RETREG2: variants seen among roughly 807,000 people sequenced by gnomAD.
RETREG2 encodes the protein reticulophagy regulator 2.
Under a neutral mutation model 51.6 loss-of-function variants are expected in RETREG2, and 21 were observed. The observed-to-expected ratio is 0.41, with a 90% CI of 0.29 to 0.59. RETREG2 has a LOEUF of 0.59. Among genes scored for constraint, RETREG2 ranks in the 20% least tolerant of loss-of-function variants. The pLI is 0.34. For synonymous variants in RETREG2, 339 were observed against 288.6 expected, an observed-to-expected ratio of 1.17 and a Z score of -1.77; for missense variants, 674 against 646.0, an observed-to-expected ratio of 1.04 and a Z score of -0.47.
rs1298131085 is a variant in RETREG2 at position 219,182,896 on chromosome 2, C to T, written c.*267C>T. The T allele has an allele frequency of 1.4e-5, 7 of 500,280 alleles. No homozygotes were observed. Among genetic ancestry groups the T allele is most frequent in the East Asian group, 3.4e-5 (1 of 29,198 alleles). 31.0% of individuals were successfully genotyped at this position (500,280 alleles called of 1,614,324 possible). ...AGGGCTAGGGAAGTCCTTCCCACAGCCTGCGCTTGCCTCCCTGCCTCATCT... is the reference window on the plus strand; with the variant it reads ...AGGGCTAGGGAAGTCCTTCCCACAGTCTGCGCTTGCCTCCCTGCCTCATCT... On this transcript the variant is annotated 3_prime_UTR_variant, in exon 9 of 9. Transcript: ENST00000430297.
Position 219,178,928 on chromosome 2 carries a change from G to A in RETREG2, c.288G>A (p.Leu96=), listed in dbSNP as rs550958752. 40 of 1,612,216 alleles carry A rather than the reference G, an allele frequency of 2.5e-5. 1 individual carries two copies. The South Asian group carries it at 4.2e-4, about 17-fold the overall frequency. ...AAALNGLFWL[L]SSSSLRPFFL... is the part of the protein sequence containing the mutation. The stretch of plus-strand genomic sequence containing the variant: ...GTGCCTGTCTCTCCCTAAGGTTGCT[G>A]TCTTCCTCGTCCCTCCGGCCCTTCT... The change falls in exon 2 of 9, where the codon CTG becomes CTA. Residue 96 remains leucine, a synonymous_variant. Transcript: ENST00000430297.
chr2:219,179,371 A>G (rs1950242411), intron 2 of RETREG2, among the ~76,000 whole-genome samples: 1 of 152,230 alleles, frequency 6.6e-6, no homozygotes. Context: ...CTTACTTCAT[A>G]GAGAGGTGAG....
At position 219,180,259 on chromosome 2, in the gene RETREG2, C is replaced by T. The variant is rs763413294; in HGVS notation, c.555+14C>T. The T allele has an allele frequency of 2.3e-5, 37 of 1,613,994 alleles. No individual in the cohort carries two copies. Among genetic ancestry groups the T allele is most frequent in the African/African-American group, 4.0e-5 (3 of 74,914 alleles). ...AATCCAGCTCAGGTAACCTCCCCTA[C>T]ATCATACAACAGTTCACTACACTGA... On this transcript the variant is annotated intron_variant, in intron 4 of 8. Transcript: ENST00000430297.
chr2:219,181,504 G>A (rs1950278779), intron 7 of RETREG2, 41 bp downstream of exon 7: 2 of 1,610,070 alleles, frequency 1.2e-6, no homozygotes, highest in African/African-American at 2.7e-5. Context: ...TAGAAAGCCA[G>A]AGGAAAAATC....
At position 219,184,547 on chromosome 2, in the gene RETREG2, T is replaced by A. The variant is rs1950324102; in HGVS notation, c.*1918T>A. ...ATTCTAGGGTTTGATTGAGCCCCTG[T>A]CCTGTGCCACTAAAGGAACTCGAAC... On this transcript the variant is annotated 3_prime_UTR_variant, in exon 9 of 9. Transcript: ENST00000430297. 1 of 152,196 alleles carries A rather than the reference T, an allele frequency of 6.6e-6. No homozygotes were observed. The highest frequency in any genetic ancestry group is 1.5e-5 in the Non-Finnish European group (1 of 68,032). 9.4% of individuals were successfully genotyped at this position (152,196 alleles called of 1,614,324 possible).
In RETREG2 at chr2:219,178,314, T is replaced by C. The variant is rs2106393954; in HGVS notation, c.-39T>C. The C allele has an allele frequency of 2.6e-6, 1 of 386,352 alleles. No homozygotes were observed. Among genetic ancestry groups the C allele is most frequent in the Non-Finnish European group, 4.6e-6 (1 of 218,858 alleles). The allele number at this position is 386,352 out of a possible 1,614,324, so 23.9% of individuals were successfully genotyped here. ...GCCCCCGGCGGCGGCCGCGCAGCCC[T>C]GGCTCCTCGCGGGCTCGGGCGGCGG... On this transcript the variant is annotated 5_prime_UTR_variant, in exon 1 of 9. Coordinates refer to ENST00000430297, the MANE Select transcript of RETREG2 (RefSeq NM_024293.6).
chr2:219,180,280 A>C, intron 4 of RETREG2, 35 bp downstream of exon 4: 1 of 1,612,880 alleles, frequency 6.2e-7, no homozygotes, highest in Admixed American at 1.7e-5. Context: ...AGTTCACTAC[A>C]CTGAAGGGGA....
intron 4 of RETREG2, among the ~76,000 whole-genome samples, 179 bp from the exon 5 acceptor site, chr2:219,180,491 G>A (rs1574783486): frequency 1.3e-5 from 2 of 152,328 alleles, no homozygotes; most frequent in East Asian, 3.9e-4. Context: ...CAGGTGGTGG[G>A]CATTATGTAT....
intron 5 of RETREG2, 107 bp from the exon 6 acceptor site, chr2:219,180,955 G>T: frequency 4.0e-6 from 6 of 1,508,006 alleles, no homozygotes; most frequent in Non-Finnish European, 5.4e-6. Context: ...GCACAGCCTT[G>T]GGAAAGGACC....
chr2:219,178,633 G>A lies in RETREG2; in HGVS notation c.281G>A (p.Trp94Ter), dbSNP rs1214376152. Residue 94 changes from tryptophan to a stop codon, truncating the protein, a stop_gained and splice_region_variant, in exon 1 of 9, where the codon TGG (tryptophan) becomes TAG (stop). Transcript: ENST00000430297. LOFTEE classifies it high-confidence loss of function. ...GCGGCCGCGCTCAACGGCCTCTTCT[G>A]GTAACGGCCGCGGAGGAGGGGGCGG... ...VTAAALNGLFWLLSSSSLRPF... is the reference protein window; with the variant it reads ...VTAAALNGLF 1 of 1,449,086 alleles carries A rather than the reference G, an allele frequency of 6.9e-7. No individual in the cohort carries two copies. Among genetic ancestry groups the A allele is most frequent in the South Asian group, 1.4e-5 (1 of 72,546 alleles). The allele number at this position is 1,449,086 out of a possible 1,614,324, so 89.8% of individuals were successfully genotyped here. A position where few individuals can be genotyped will look rare whatever the true frequency, so the allele number is the denominator to read the frequency against.
chr2:219,182,954 T>C lies in RETREG2; in HGVS notation c.*325T>C, dbSNP rs943292401. ...CATTCCACTATGCCCCAAGCCCTGG[T>C]GGTCTGGCCCTTTCTTTTTCCTCCT... is the stretch of plus-strand genomic sequence containing the variant. On this transcript the variant is annotated 3_prime_UTR_variant, in exon 9 of 9. Transcript: ENST00000430297. 3.1e-5 allele frequency: 11 copies of C among 355,104 alleles called. No homozygotes were observed. The highest frequency in any genetic ancestry group is 1.6e-4 in the African/African-American group (8 of 49,072). The allele number at this position is 355,104 out of a possible 1,614,324, so 22.0% of individuals were successfully genotyped here.
In RETREG2 at chr2:219,181,771, C is replaced by A; in HGVS notation, c.1011C>A (p.Ser337=). The change falls in exon 8 of 9, where the codon TCC becomes TCA. Residue 337 remains serine (S), a synonymous_variant. Coordinates refer to ENST00000430297, the MANE Select transcript of RETREG2 (RefSeq NM_024293.6). The part of the protein sequence containing the change: ...RATTPQLTDV[S]EDLDQQSLPS... ...CAACTCCGCAGCTGACTGATGTCTC[C>A]GAGGGTATGGGGAGCCCTTTGCTGC... The A allele has an allele frequency of 6.2e-7, 1 of 1,613,462 alleles. No homozygotes were observed. Among genetic ancestry groups the A allele is most frequent in the East Asian group, 2.2e-5 (1 of 44,866 alleles).
Position 219,178,959 on chromosome 2 carries a change from C to T in RETREG2, c.319C>T (p.Leu107Phe). The change falls in exon 2 of 9, where the codon CTC (leucine) becomes TTC (phenylalanine). Residue 107 changes from leucine (L) to phenylalanine (F), a missense_variant. Leu to Phe is a conservative substitution (Grantham distance 22). Coordinates refer to ENST00000430297, the MANE Select transcript of RETREG2 (RefSeq NM_024293.6). ...SSSSLRPFFL[L>F]SVSLLAYFLL... ...CTCGTCCCTCCGGCCCTTCTTCCTA[C>T]TCAGCGTCTCACTTTTGGCCTATTT... is the stretch of plus-strand genomic sequence containing the variant. The T allele has an allele frequency of 6.2e-7, 1 of 1,614,080 alleles. No individual in the cohort carries two copies.
At chr2:219,179,658 C>G (rs1011588090) in intron 2 of RETREG2, 75 bp from the exon 3 acceptor site, 1 of 1,427,462 alleles carries the variant, frequency 7.0e-7, no homozygotes. Context: ...AGAGGAGGGA[C>G]AACTATTTCT....
Position 219,181,418 on chromosome 2 carries a change from G to A in RETREG2, c.834G>A (p.Glu278=), listed in dbSNP as rs901484598. The A allele has an allele frequency of 6.2e-7, 1 of 1,614,138 alleles. No homozygotes were observed. The highest frequency in any genetic ancestry group is 8.5e-7 in the Non-Finnish European group (1 of 1,180,026). The change falls in exon 7 of 9, where the codon GAG becomes GAA. Residue 278 remains glutamate, a synonymous_variant. Coordinates refer to ENST00000430297, the MANE Select transcript of RETREG2 (RefSeq NM_024293.6). ...CAGGAGGTGATGAGCCACTGGCAGAGACAGAGAGTGAAAGCGAGGCAGAGC... is the reference window on the plus strand; with the variant it reads ...CAGGAGGTGATGAGCCACTGGCAGAAACAGAGAGTGAAAGCGAGGCAGAGC... The part of the protein sequence containing the change: ...APPGGDEPLA[E]TESESEAELA...
Position 219,182,246 on chromosome 2 carries a change from T to G in RETREG2, c.1249T>G (p.Ser417Ala), listed in dbSNP as rs146672876. 351 of 1,613,350 alleles carry G rather than the reference T, an allele frequency of 2.2e-4. No individual in the cohort carries two copies. In the African/African-American group the frequency reaches 4.2e-3, roughly 19 times the overall value. ...GAACACGCACTTCAATGGGGCAGGG[T>G]CCCCCCCAGATGGAGTGAAATGCTC... ...FVNTHFNGAG[S>A]PPDGVKCSPG... The change falls in exon 9 of 9, where the codon TCC becomes GCC. Residue 417 changes from serine to alanine, a missense_variant. Physicochemically the swap from Ser to Ala is moderately conservative, Grantham distance 99. Coordinates refer to ENST00000430297, the MANE Select transcript of RETREG2 (RefSeq NM_024293.6).
chr2:219,182,783 CTGCT>C lies in RETREG2; in HGVS notation c.*155_*158del. ...TTCCACCCTCTGCCTGCCTGCCTGC[CTGCT>C]GTCCTGGGCATGGTGCAGTACCTGT... is the stretch of plus-strand genomic sequence containing the variant. On this transcript the variant is annotated 3_prime_UTR_variant, in exon 9 of 9. Coordinates refer to ENST00000430297, the MANE Select transcript of RETREG2 (RefSeq NM_024293.6). 4 of 807,954 alleles carry C rather than the reference CTGCT, an allele frequency of 5.0e-6. No individual in the cohort carries two copies. The South Asian group carries it at 5.2e-5, about 10-fold the overall frequency. The allele number at this position is 807,954 out of a possible 1,614,324, so 50.0% of individuals were successfully genotyped here.
In RETREG2 at chr2:219,184,150, A is replaced by G. The variant is rs908439207; in HGVS notation, c.*1521A>G. 1 of 152,270 alleles carries G rather than the reference A, an allele frequency of 6.6e-6. No individual in the cohort carries two copies. The highest frequency in any genetic ancestry group is 6.5e-5 in the Admixed American group (1 of 15,286). 9.4% of individuals were successfully genotyped at this position (152,270 alleles called of 1,614,324 possible). A position where few individuals can be genotyped will look rare whatever the true frequency, so the allele number is the denominator to read the frequency against. On this transcript the variant is annotated 3_prime_UTR_variant, in exon 9 of 9. Coordinates refer to ENST00000430297, the MANE Select transcript of RETREG2 (RefSeq NM_024293.6). ...AAGAAGTTTTGGCTTCAGCAAATGC[A>G]TCAGACAGCCCCTGTCCATTAATAG... is the stretch of plus-strand genomic sequence containing the variant.
In RETREG2 at chr2:219,182,325, C is replaced by G. The variant is rs777049727; in HGVS notation, c.1328C>G (p.Thr443Ser). The change falls in exon 9 of 9, where the codon ACT (threonine) becomes AGT (serine). Residue 443 changes from threonine to serine, a missense_variant. Thr to Ser is a moderately conservative substitution (Grantham distance 58, BLOSUM62 1). Transcript: ENST00000430297. ...CCCGAGACAGTGAGTGGTGGCCTCA[C>G]TGCTCTGCCCGGCACCCTGTCACCT... ...LSPETVSGGL[T>S]ALPGTLSPPL... 2 of 1,614,166 alleles carry G rather than the reference C, an allele frequency of 1.2e-6. No individual in the cohort carries two copies. The highest frequency in any genetic ancestry group is 1.7e-6 in the Non-Finnish European group (2 of 1,180,024).
Sources: gnomAD v4.1 joint callset for allele counts (sites outside exome capture counted in the v4.1 genomes callset) on GRCh38, gnomAD v4.1.1 for gene constraint, MANE v1.5 for transcripts, NCBI Gene and HGNC (gene_info 2026-07-23, HGNC 2026-07-21) for gene names.